The following SNX31 variants were observed in gnomAD, a reference collection of about 807,000 sequenced individuals.
SNX31 encodes the protein sorting nexin 31.
Under a neutral mutation model 65.4 loss-of-function variants are expected in SNX31, and 58 were observed. That is an observed-to-expected ratio of 0.89 (90% CI 0.72 to 1.10). The LOEUF is 1.10. Among genes scored for constraint, SNX31 ranks in the 50% least tolerant of loss-of-function variants. The probability of loss-of-function intolerance (pLI) is 0.00; values close to 1 mark genes in which losing one functional copy is unlikely to be tolerated. For synonymous variants in SNX31, 181 were observed against 190.1 expected (o/e 0.95, Z 0.39); for missense variants, 523 against 529.7 (o/e 0.99, Z 0.12).
Position 100,578,869 on chromosome 8 carries a change from G to A in SNX31, c.1171-1794C>T, listed in dbSNP as rs117074372. Among the ~76,000 whole-genome samples the A allele has an allele frequency of 0.047, 7,213 of 151,892 alleles. 437 individuals carry two copies. Among genetic ancestry groups the A allele is most frequent in the Admixed American group, 0.16 (2,491 of 15,268 alleles). On this transcript the variant is annotated intron_variant, in intron 12 of 13. Transcript: ENST00000311812. This position sits in a 1 kb window ranked among gnomAD's most constrained non-coding sequence, Gnocchi z 4.7. ...CCCAAGTAGCTAGGAATACAGGTACGCGCCACCATGCCCATCTAATTTTTG... is the reference window on the plus strand; with the variant it reads ...CCCAAGTAGCTAGGAATACAGGTACACGCCACCATGCCCATCTAATTTTTG...
intron 7 of SNX31, 77 bp from the exon 8 acceptor site, chr8:100,608,640 G>A (rs1816413604): frequency 7.0e-7 from 1 of 1,419,044 alleles, no homozygotes; most frequent in Admixed American, 1.7e-5. Flanking sequence ...TTGGAAAGTG[G>A]TGGCCCTCTA....
At chr8:100,628,859 C>T (rs774539146) in intron 4 of SNX31, among the ~76,000 whole-genome samples, 21 of 149,856 alleles carry the variant, frequency 1.4e-4, no homozygotes, top group Non-Finnish European at 1.9e-4. Flanking sequence ...TAGTCATGTA[C>T]CCCTTAATGA....
intron 5 of SNX31, among the ~76,000 whole-genome samples, chr8:100,616,004 G>A (rs1001180459): frequency 3.3e-5 from 5 of 152,010 alleles, no homozygotes; most frequent in South Asian, 4.2e-4. Flanking sequence ...TCGATCTCCT[G>A]ACCTCGTGAT....
In SNX31 at chr8:100,575,967, A is replaced by T. The variant is rs1231086857; in HGVS notation, c.1227+1052T>A. ...CATGCTGCTAAAATGGGTGCATTAA[A>T]ATGATGAAGTGATTGCCATCTACAT... On this transcript the variant is annotated intron_variant, in intron 13 of 13. Transcript: ENST00000311812. The surrounding 1 kb of genome is among the most constrained non-coding windows in gnomAD (Gnocchi z 5.1). 6.6e-6 allele frequency among the ~76,000 whole-genome samples: 1 copy of T among 152,184 alleles called. No individual in the cohort carries two copies. Among genetic ancestry groups the T allele is most frequent in the East Asian group, 1.9e-4 (1 of 5,192 alleles).
At chr8:100,593,177 T>C (rs1814743398) in intron 10 of SNX31, among the ~76,000 whole-genome samples, 1 of 152,192 alleles carries the variant, frequency 6.6e-6, no homozygotes, top group Admixed American at 6.5e-5. Context: ...GGGTGAATTG[T>C]ATGGTATGTG....
chr8:100,598,683 A>G (rs1815333588), intron 9 of SNX31, among the ~76,000 whole-genome samples: 1 of 152,230 alleles, frequency 6.6e-6, no homozygotes, highest in Admixed American at 6.5e-5. Flanking sequence ...CCTAAAAAAG[A>G]CAATTTAACA....
intron 2 of SNX31, among the ~76,000 whole-genome samples, chr8:100,636,301 C>T (rs7823246): frequency 0.29 from 44,030 of 152,114 alleles, 7,602 homozygotes; most frequent in African/African-American, 0.48. Flanking sequence ...AGACTAGCCA[C>T]TGCTCACATC....
chr8:100,643,226 A>T (rs1313216110), intron 2 of SNX31, among the ~76,000 whole-genome samples: 1 of 152,014 alleles, frequency 6.6e-6, no homozygotes, highest in African/African-American at 2.4e-5. Flanking sequence ...CAAACAAAAA[A>T]ATCCCAGAAC....
chr8:100,620,945 C>T (rs1435968487), intron 4 of SNX31, among the ~76,000 whole-genome samples: 4 of 151,910 alleles, frequency 2.6e-5, no homozygotes, highest in Non-Finnish European at 5.9e-5. Context: ...TGGTGAAACC[C>T]TATCTCTACT....
At chr8:100,620,531 G>C (rs1313752263) in intron 4 of SNX31, among the ~76,000 whole-genome samples, 1 of 152,066 alleles carries the variant, frequency 6.6e-6, no homozygotes, top group African/African-American at 2.4e-5. Flanking sequence ...GAGAAAATCT[G>C]CTCTCTTCTA....
intron 1 of SNX31, among the ~76,000 whole-genome samples, chr8:100,654,742 G>A (rs1820029862): frequency 1.3e-5 from 2 of 152,234 alleles, no homozygotes; most frequent in African/African-American, 2.4e-5. Flanking sequence ...GCCGGGTGCA[G>A]TGGCTCTCAC....
chr8:100,616,524 AAACTCCCTCAAGCAT>A (rs1452110913), intron 5 of SNX31, among the ~76,000 whole-genome samples: 1 of 152,150 alleles, frequency 6.6e-6, no homozygotes, highest in East Asian at 1.9e-4. Flanking sequence ...TTTGGGGTAC[AAACTCCCTCAAGCAT>A]CAAGGGCTTT....
At chr8:100,659,448 C>G (rs1297275678) in intron 1 of SNX31, among the ~76,000 whole-genome samples, 1 of 151,392 alleles carries the variant, frequency 6.6e-6, no homozygotes, top group Non-Finnish European at 1.5e-5. Context: ...CTGAGGCTGT[C>G]CCATGTACGG....
At chr8:100,620,599 A>T (rs2131108921) in intron 4 of SNX31, among the ~76,000 whole-genome samples, 1 of 152,364 alleles carries the variant, frequency 6.6e-6, no homozygotes, top group East Asian at 1.9e-4. Context: ...CTACATATAT[A>T]AGAAGCTGTG....
Position 100,630,410 on chromosome 8 carries a change from G to A in SNX31, c.257-19C>T. 1 of 1,609,482 alleles carries A rather than the reference G, an allele frequency of 6.2e-7. No individual in the cohort carries two copies. Among genetic ancestry groups the A allele is most frequent in the South Asian group, 1.1e-5 (1 of 90,024 alleles). ...ATGGTTACTGAAAAACATGGACGGT[G>A]AGCCAGGTTAGCATGGGCTGGGCTG... On this transcript the variant is annotated intron_variant, in intron 3 of 13. Coordinates refer to ENST00000311812, the MANE Select transcript of SNX31 (RefSeq NM_152628.4). This position sits in a 1 kb window ranked among gnomAD's most constrained non-coding sequence, Gnocchi z 5.3.
At chr8:100,649,771 C>T (rs1304597319), upstream of SNX31, 9 of 417,760 alleles carry the variant, frequency 2.2e-5, no homozygotes, top group Admixed American at 4.6e-5. Flanking sequence ...GGCGCATCCA[C>T]GGCCACCCCC....
intron 1 of SNX31, among the ~76,000 whole-genome samples, chr8:100,659,277 C>A (rs973782564): frequency 7.2e-6 from 1 of 138,536 alleles, no homozygotes; most frequent in African/African-American, 2.7e-5. Context: ...ACCCAGGAGG[C>A]GGAGGTTGCA....
intron 12 of SNX31, among the ~76,000 whole-genome samples, chr8:100,579,776 AT>A: frequency 6.6e-6 from 1 of 152,330 alleles, no homozygotes; most frequent in South Asian, 2.1e-4. Context: ...GTTCTTCGCC[AT>A]TTTTGAGGGA....
At chr8:100,633,318 C>T (rs1818535109) in intron 3 of SNX31, among the ~76,000 whole-genome samples, 1 of 152,126 alleles carries the variant, frequency 6.6e-6, no homozygotes. Flanking sequence ...ATTATTGTAT[C>T]AATGTTGTTT....
Sources: allele counts gnomAD v4.1 joint callset (sites outside exome capture counted in the v4.1 genomes callset), GRCh38; gene constraint gnomAD v4.1.1; non-coding constraint Gnocchi (gnomAD v3.1); transcripts MANE v1.5; gene names NCBI Gene and HGNC (gene_info 2026-07-23, HGNC 2026-07-21).